Variants in PPME1 observed in about 807,000 individuals in gnomAD.
PPME1 encodes protein phosphatase methylesterase 1, also known as testicular secretory protein Li 39.
Under a neutral mutation model 56.9 loss-of-function variants are expected in PPME1, and 17 were observed. The ratio of observed to expected loss-of-function variants is 0.30; its 90% CI spans 0.20 to 0.45. The LOEUF (loss-of-function observed/expected upper bound fraction) is 0.45. Among genes scored for constraint, PPME1 ranks in the 20% least tolerant of loss-of-function variants. The pLI, the probability that PPME1 is intolerant of heterozygous loss-of-function variation, is 1.00. For synonymous variants in PPME1, 122 were observed against 156.2 expected, an observed-to-expected ratio of 0.78 and a Z score of 1.63; for missense variants, 357 against 483.2, an observed-to-expected ratio of 0.74 and a Z score of 2.45.
chr11:74,240,774 G>C (rs553256566), intron 9 of PPME1, among the ~76,000 whole-genome samples: 1 of 152,228 alleles, frequency 6.6e-6, no homozygotes, highest in Non-Finnish European at 1.5e-5. Flanking sequence ...AGGCTCAGAA[G>C]TTAAGAGACT....
rs554308362 is a variant in PPME1, at chr11:74,182,335, A to G, written c.101+10813A>G. Among the ~76,000 whole-genome samples, 20 of 151,862 alleles carry G rather than the reference A, an allele frequency of 1.3e-4. No homozygotes were observed. The South Asian group carries it at 2.5e-3, about 19-fold the overall frequency. On this transcript the variant is annotated intron_variant, in intron 1 of 13. Coordinates refer to ENST00000328257, the MANE Select transcript of PPME1 (RefSeq NM_016147.3). Reference sequence around the variant, plus strand: ...CTGTATTTCCTCAATTCTAAGATACATTTCTTTTTTACATTTAAATTGATA... The same window carrying G: ...CTGTATTTCCTCAATTCTAAGATACGTTTCTTTTTTACATTTAAATTGATA...
rs991264846 is a variant in PPME1 at position 74,253,727 on chromosome 11, G to A, written c.*217G>A. The A allele has an allele frequency of 1.3e-4, 79 of 610,950 alleles. No individual in the cohort carries two copies. The African/African-American group carries it at 1.4e-3, about 11-fold the overall frequency. The allele number at this position is 610,950 out of a possible 1,614,324, so 37.8% of individuals were successfully genotyped here. On this transcript the variant is annotated 3_prime_UTR_variant, in exon 14 of 14. Coordinates refer to ENST00000328257, the MANE Select transcript of PPME1 (RefSeq NM_016147.3). ...CCAACATCGGCTTCCCCAGTCCAGG[G>A]CTCCCCTGCTCCTTTCCCTTCCCTG...
chr11:74,201,863 G>A (rs1206994467), intron 1 of PPME1, among the ~76,000 whole-genome samples: 1 of 152,122 alleles, frequency 6.6e-6, no homozygotes, highest in African/African-American at 2.4e-5. Context: ...TCAAATTAGT[G>A]TAGGATAGGT....
intron 1 of PPME1, among the ~76,000 whole-genome samples, chr11:74,184,917 G>A (rs1474608173): frequency 6.7e-6 from 1 of 149,752 alleles, no homozygotes; most frequent in Non-Finnish European, 1.5e-5. Context: ...GCTTATATAA[G>A]CAAATTGTGA....
chr11:74,186,931 A>T (rs1260042455), intron 1 of PPME1, among the ~76,000 whole-genome samples: 1 of 152,170 alleles, frequency 6.6e-6, no homozygotes, highest in Non-Finnish European at 1.5e-5. Context: ...TATGTATGAT[A>T]TGAGGAATGA....
intron 1 of PPME1, among the ~76,000 whole-genome samples, chr11:74,195,474 A>G (rs187816863): frequency 4.6e-5 from 7 of 152,268 alleles, no homozygotes; most frequent in South Asian, 4.1e-4. Flanking sequence ...GCTATATTCT[A>G]TTACCCAGAT....
intron 3 of PPME1, among the ~76,000 whole-genome samples, chr11:74,221,320 A>T (rs1858795634): frequency 6.6e-6 from 1 of 152,162 alleles, no homozygotes; most frequent in African/African-American, 2.4e-5. Context: ...AAATTAGCAA[A>T]TAGCTTTCAG....
At chr11:74,189,867 A>T (rs1480977966) in intron 1 of PPME1, among the ~76,000 whole-genome samples, 3 of 152,210 alleles carry the variant, frequency 2.0e-5, no homozygotes, top group Non-Finnish European at 4.4e-5. Flanking sequence ...AATGTTCTAC[A>T]GTTTTACCAT....
intron 3 of PPME1, among the ~76,000 whole-genome samples, chr11:74,214,688 GAAAA>G (rs532768564): frequency 1.1e-4 from 15 of 139,736 alleles, no homozygotes; most frequent in Non-Finnish European, 1.9e-4. Context: ...ATGCTGAAGG[GAAAA>G]AAAAAAAAAC....
intron 13 of PPME1, 137 bp from the exon 14 acceptor site, chr11:74,253,355 G>A: frequency 3.6e-6 from 3 of 844,578 alleles, no homozygotes; most frequent in South Asian, 3.2e-5. Flanking sequence ...GTCCAGCTCT[G>A]GTCAGGGCTG....
intron 1 of PPME1, among the ~76,000 whole-genome samples, chr11:74,184,500 A>G (rs1311482560): frequency 2.0e-5 from 3 of 152,198 alleles, no homozygotes; most frequent in South Asian, 2.1e-4. Flanking sequence ...TGGGAATTCT[A>G]ATCTTTTGTG....
chr11:74,200,264 A>G (rs76370283), intron 1 of PPME1, among the ~76,000 whole-genome samples: 4,686 of 152,332 alleles, frequency 0.031, 219 homozygotes, highest in African/African-American at 0.1. Context: ...TAAAATACAA[A>G]AATAATGTAA....
intron 13 of PPME1, among the ~76,000 whole-genome samples, chr11:74,252,769 G>A (rs184310493): frequency 4.5e-4 from 68 of 152,192 alleles, no homozygotes; most frequent in African/African-American, 1.6e-3. Flanking sequence ...CCCTCTATTG[G>A]TCTAGAGGAA....
chr11:74,199,483 A>C (rs1328435690), intron 1 of PPME1, among the ~76,000 whole-genome samples: 1 of 151,720 alleles, frequency 6.6e-6, no homozygotes, highest in Non-Finnish European at 1.5e-5. Context: ...TTTTTGGGAG[A>C]GACAGGGTCT....
At chr11:74,174,424 A>G (rs1474806370) in intron 1 of PPME1, among the ~76,000 whole-genome samples, 1 of 152,154 alleles carries the variant, frequency 6.6e-6, no homozygotes, top group Non-Finnish European at 1.5e-5. Flanking sequence ...TCTCACACCA[A>G]TTTCAAAGCA....
In PPME1 at chr11:74,184,963, A is replaced by G. The variant is rs925645490; in HGVS notation, c.101+13441A>G. On this transcript the variant is annotated intron_variant, in intron 1 of 13. Coordinates refer to ENST00000328257, the MANE Select transcript of PPME1 (RefSeq NM_016147.3). ...GCTCTGAAATGATTGCCCTAATGAT[A>G]TTTACTGTTTGCTTATGAAGTATGT... Among the ~76,000 whole-genome samples the G allele has an allele frequency of 9.4e-5, 11 of 117,624 alleles. No homozygotes were observed. In the South Asian group the frequency reaches 2.9e-3, roughly 31 times the overall value. 77.2% of individuals were successfully genotyped at this position (117,624 alleles called of 152,430 possible). A position where few individuals can be genotyped will look rare whatever the true frequency, so the allele number is the denominator to read the frequency against.
intron 5 of PPME1, among the ~76,000 whole-genome samples, chr11:74,229,948 T>A (rs2135661136): frequency 6.6e-6 from 1 of 152,346 alleles, no homozygotes; most frequent in South Asian, 2.1e-4. Flanking sequence ...TAAAGGTATA[T>A]GTTTATGTAA....
chr11:74,242,753 T>C (rs1030628197), intron 9 of PPME1, among the ~76,000 whole-genome samples: 2 of 151,246 alleles, frequency 1.3e-5, no homozygotes, highest in African/African-American at 4.9e-5. Context: ...GTGGCGTGCG[T>C]CTGTAGTCCC....
chr11:74,182,429 G>A (rs1270371749), intron 1 of PPME1, among the ~76,000 whole-genome samples: 5 of 151,348 alleles, frequency 3.3e-5, no homozygotes, highest in African/African-American at 9.7e-5. Context: ...GCATGATCTC[G>A]GTTCACTGCA....
Sources: allele counts gnomAD v4.1 joint callset (sites outside exome capture counted in the v4.1 genomes callset), GRCh38; gene constraint gnomAD v4.1.1; transcripts MANE v1.5; gene names NCBI Gene and HGNC (gene_info 2026-07-23, HGNC 2026-07-21).